MAPK9: variants seen among roughly 807,000 people sequenced by gnomAD.
MAPK9 encodes mitogen-activated protein kinase 9, also known as Jun kinase.
MAPK9 carries 30 observed loss-of-function variants against 57.1 expected under a neutral mutation model. That is an observed-to-expected ratio of 0.53 (90% CI 0.39 to 0.71). The LOEUF is 0.71. MAPK9 is among the 30% of genes least tolerant of loss of function. The pLI is 0.00. For synonymous variants in MAPK9, 155 were observed against 177.0 expected (o/e 0.88, Z 0.99); for missense variants, 362 against 521.0 (o/e 0.69, Z 2.97).
At chr5:180,270,471 A>G (rs1447186650) in intron 2 of MAPK9, among the ~76,000 whole-genome samples, 1 of 152,230 alleles carries the variant, frequency 6.6e-6, no homozygotes, top group Non-Finnish European at 1.5e-5. Context: ...TTATAAAATG[A>G]GAAGGATATA....
chr5:180,291,172 G>A (rs1223847131), intron 1 of MAPK9, among the ~76,000 whole-genome samples: 2 of 152,206 alleles, frequency 1.3e-5, no homozygotes, highest in Non-Finnish European at 2.9e-5. Flanking sequence ...GTTCAAGGCG[G>A]GCGAGATGAG....
intron 3 of MAPK9, among the ~76,000 whole-genome samples, chr5:180,268,702 C>T (rs1302500151): frequency 6.6e-6 from 1 of 152,008 alleles, no homozygotes; most frequent in African/African-American, 2.4e-5. Flanking sequence ...TGGCGGGCGC[C>T]TGTAGTCCCA....
At chr5:180,266,312 G>A (rs1351528806) in intron 3 of MAPK9, among the ~76,000 whole-genome samples, 1 of 150,850 alleles carries the variant, frequency 6.6e-6, no homozygotes, top group Non-Finnish European at 1.5e-5. Flanking sequence ...GACGTTCTCA[G>A]ACACTTTTTT....
chr5:180,283,915 G>A (rs57403593), intron 1 of MAPK9, among the ~76,000 whole-genome samples: 24,368 of 152,100 alleles, frequency 0.16, 2,034 homozygotes, highest in South Asian at 0.23. Context: ...GGGCCACAGC[G>A]AGACTCCATC....
intron 10 of MAPK9, 94 bp downstream of exon 10, chr5:180,239,830 T>C: frequency 1.6e-6 from 2 of 1,270,278 alleles, no homozygotes; most frequent in Non-Finnish European, 1.1e-6. Flanking sequence ...TTCTTGCCCC[T>C]TCCTGAAGGG....
intron 5 of MAPK9, among the ~76,000 whole-genome samples, chr5:180,250,152 T>C (rs1248427895): frequency 6.6e-6 from 1 of 152,210 alleles, no homozygotes; most frequent in Non-Finnish European, 1.5e-5. Flanking sequence ...TGACTCTGTG[T>C]GAGCTCTCAG....
intron 1 of MAPK9, among the ~76,000 whole-genome samples, chr5:180,291,153 G>T (rs1340630986): frequency 1.3e-5 from 2 of 152,184 alleles, no homozygotes; most frequent in Non-Finnish European, 2.9e-5. Flanking sequence ...GGCAAATGCG[G>T]GCTGGCATGT....
In MAPK9 at chr5:180,281,416, T is replaced by C. The variant is rs562460932; in HGVS notation, c.-47-808A>G. Among the ~76,000 whole-genome samples the C allele has an allele frequency of 3.0e-4, 45 of 152,360 alleles. No homozygotes were observed. In the South Asian group the frequency reaches 3.3e-3, roughly 11 times the overall value. On this transcript the variant is annotated intron_variant, in intron 1 of 11. Transcript: ENST00000452135. ...TGCTGCTCTGCAGGAGCCTGGATGA[T>C]TTTATACAGAAAACAAGCAAACAAA...
At chr5:180,245,756 C>G (rs1490032500) in intron 7 of MAPK9, among the ~76,000 whole-genome samples, 1 of 152,150 alleles carries the variant, frequency 6.6e-6, no homozygotes, top group African/African-American at 2.4e-5. Flanking sequence ...AGCTGGGGCC[C>G]GAGGTGGCCG....
At chr5:180,263,512 C>T (rs542764646) in intron 4 of MAPK9, among the ~76,000 whole-genome samples, 1 of 152,200 alleles carries the variant, frequency 6.6e-6, no homozygotes, top group Non-Finnish European at 1.5e-5. Flanking sequence ...TGCCTTAGAG[C>T]AAAAGACATC....
At chr5:180,265,841 T>C (rs1264984856) in intron 3 of MAPK9, among the ~76,000 whole-genome samples, 1 of 152,198 alleles carries the variant, frequency 6.6e-6, no homozygotes, top group African/African-American at 2.4e-5. Context: ...ACTGCATCCA[T>C]ATTTCAATCT....
intron 8 of MAPK9, 148 bp from the exon 9 acceptor site, chr5:180,241,303 AATTT>A: frequency 2.4e-6 from 2 of 839,118 alleles, no homozygotes; most frequent in Non-Finnish European, 3.4e-6. Flanking sequence ...TATAACCCAA[AATTT>A]TTTTTTTTTT....
chr5:180,281,907 T>C (rs1762345764), intron 1 of MAPK9, among the ~76,000 whole-genome samples: 1 of 152,210 alleles, frequency 6.6e-6, no homozygotes, highest in South Asian at 2.1e-4. Context: ...GCTTAGATGC[T>C]GGACAAACAG....
chr5:180,277,120 C>T (rs1761891980), intron 2 of MAPK9, among the ~76,000 whole-genome samples: 1 of 152,206 alleles, frequency 6.6e-6, no homozygotes, highest in Non-Finnish European at 1.5e-5. Flanking sequence ...ATAAACCATA[C>T]ACTGTTGCTG....
intron 3 of MAPK9, among the ~76,000 whole-genome samples, chr5:180,266,471 C>T (rs939996860): frequency 2.6e-5 from 4 of 152,036 alleles, no homozygotes; most frequent in Non-Finnish European, 4.4e-5. Flanking sequence ...CCCACCACTA[C>T]GCCCAGCTAA....
At chr5:180,241,278 T>C (rs1039679541) in intron 8 of MAPK9, 123 bp from the exon 9 acceptor site, 17 of 1,113,392 alleles carry the variant, frequency 1.5e-5, no homozygotes, top group Non-Finnish European at 2.1e-5. Flanking sequence ...AAATGTTTGA[T>C]AGGTTCAAGA....
chr5:180,268,061 T>C (rs1356696974), intron 3 of MAPK9, among the ~76,000 whole-genome samples: 3 of 152,016 alleles, frequency 2.0e-5, no homozygotes, highest in Non-Finnish European at 4.4e-5. Context: ...CCTGACGTCA[T>C]GATCCACCCG....
chr5:180,249,106 T>C lies in MAPK9; in HGVS notation c.483A>G (p.Ser161=). ...DLKPSNIVVK[S]DCTLKILDFG... ...AGTCAAGGATCTTCAGGGTGCAGTCTGATTTCACAACAATGTTGCTAGGCT... is the reference window on the plus strand; with the variant it reads ...AGTCAAGGATCTTCAGGGTGCAGTCCGATTTCACAACAATGTTGCTAGGCT... The change falls in exon 6 of 12, where the codon TCA becomes TCG. Residue 161 remains serine (S), a synonymous_variant. Transcript: ENST00000452135. 1 of 1,611,530 alleles carries C rather than the reference T, an allele frequency of 6.2e-7. No individual in the cohort carries two copies. Among genetic ancestry groups the C allele is most frequent in the Non-Finnish European group, 8.5e-7 (1 of 1,179,192 alleles).
At chr5:180,275,823 T>A (rs1296245498) in intron 2 of MAPK9, among the ~76,000 whole-genome samples, 2 of 152,232 alleles carry the variant, frequency 1.3e-5, no homozygotes, top group Non-Finnish European at 2.9e-5. Flanking sequence ...CTAGGTTCTC[T>A]TCCTTACGCA....
Sources: allele counts gnomAD v4.1 joint callset (sites outside exome capture counted in the v4.1 genomes callset), GRCh38; gene constraint gnomAD v4.1.1; transcripts MANE v1.5; gene names NCBI Gene and HGNC (gene_info 2026-07-23, HGNC 2026-07-21).